Variants in LRBA observed in about 807,000 individuals in gnomAD.
LRBA encodes LPS responsive beige-like anchor protein, also known as lipopolysaccharide-responsive and beige-like anchor protein.
LRBA carries 176 observed loss-of-function variants against 330.0 expected under a neutral mutation model. The ratio of observed to expected loss-of-function variants is 0.53; its 90% confidence interval spans 0.47 to 0.60. The LOEUF is 0.60. Ranked by LOEUF, LRBA falls within the 20% of genes least tolerant of loss-of-function variation. The pLI is 0.00. For missense variants in LRBA, 3,259 were observed against 3,444.8 expected, an observed-to-expected ratio of 0.95 and a Z score of 1.35; for synonymous variants, 1,230 against 1,193.0, an observed-to-expected ratio of 1.03 and a Z score of -0.64.
At chr4:150,807,296 C>G (rs753249847) in intron 32 of LRBA, among the ~76,000 whole-genome samples, 1 of 152,066 alleles carries the variant, frequency 6.6e-6, no homozygotes, top group African/African-American at 2.4e-5. Context: ...TAAATTTTTG[C>G]TGTGAATAAC....
rs34282784 is a variant in LRBA at position 150,954,817 on chromosome 4, CAA to C, written c.217-25754_217-25753del. Among the ~76,000 whole-genome samples the C allele has an allele frequency of 5.9e-3, 269 of 45,518 alleles. 2 individuals are homozygous for C. The highest frequency in any genetic ancestry group is 0.019 in the Middle Eastern group (1 of 54). 29.9% of individuals were successfully genotyped at this position (45,518 alleles called of 152,430 possible). On this transcript the variant is annotated intron_variant, in intron 2 of 56. Transcript: ENST00000651943. ...AAAAAAAGAACCTAGACTCAGAAAT[CAA>C]AAAAAAAAAAAAAAAAAAAGAATAA...
intron 55 of LRBA, among the ~76,000 whole-genome samples, chr4:150,282,156 G>A (rs1231201433): frequency 1.3e-5 from 2 of 152,168 alleles, no homozygotes; most frequent in Admixed American, 6.5e-5. Context: ...AAAAAGAAAT[G>A]AGCAGTGCCA....
intron 56 of LRBA, among the ~76,000 whole-genome samples, chr4:150,269,943 C>T (rs376483741): frequency 7.9e-5 from 12 of 151,922 alleles, no homozygotes; most frequent in African/African-American, 2.9e-4. Flanking sequence ...GACCCTGTCT[C>T]AAAAAACAAA....
At chr4:150,775,469 ACACAC>A (rs1737157112) in intron 34 of LRBA, among the ~76,000 whole-genome samples, 1 of 128,910 alleles carries the variant, frequency 7.8e-6, no homozygotes, top group South Asian at 2.3e-4. Context: ...ACACACACAC[ACACAC>A]ACACACACAC....
chr4:150,432,453 CTTTTTTTTTTTTTTT>C (rs35393002), intron 46 of LRBA, among the ~76,000 whole-genome samples: 1 of 98,438 alleles, frequency 1.0e-5, no homozygotes. Flanking sequence ...TAAGTGTGTT[CTTTTTTTTTTTTTTT>C]TTTTTTTTTG....
intron 17 of LRBA, among the ~76,000 whole-genome samples, chr4:150,891,981 A>C (rs2127093236): frequency 6.6e-6 from 1 of 152,278 alleles, no homozygotes; most frequent in East Asian, 1.9e-4. Flanking sequence ...AGTCCCAGCT[A>C]CTCAGGAGAC....
intron 47 of LRBA, among the ~76,000 whole-genome samples, chr4:150,387,027 CT>C (rs1037021742): frequency 7.9e-5 from 12 of 152,018 alleles, no homozygotes; most frequent in Non-Finnish European, 1.6e-4. Flanking sequence ...TGATGTTGAG[CT>C]TTTTTTCACA....
chr4:150,880,613 A>C (rs374707646), intron 17 of LRBA, among the ~76,000 whole-genome samples: 6 of 152,208 alleles, frequency 3.9e-5, no homozygotes, highest in African/African-American at 1.4e-4. Flanking sequence ...AAAACGAGAA[A>C]ACACCATTCT....
At chr4:150,805,179 AAAAG>A (rs927140887) in intron 33 of LRBA, among the ~76,000 whole-genome samples, 5 of 148,142 alleles carry the variant, frequency 3.4e-5, no homozygotes, top group South Asian at 2.1e-4. Context: ...AAAGAAAAAA[AAAAG>A]GAAGGAAGGA....
At chr4:150,553,032 G>A (rs1766814128) in intron 40 of LRBA, among the ~76,000 whole-genome samples, 1 of 150,854 alleles carries the variant, frequency 6.6e-6, no homozygotes, top group African/African-American at 2.4e-5. Context: ...TCATGCCACT[G>A]CACTCCAGCC....
chr4:150,545,558 A>T (rs755247556), intron 40 of LRBA, among the ~76,000 whole-genome samples: 2 of 152,152 alleles, frequency 1.3e-5, no homozygotes, highest in Non-Finnish European at 2.9e-5. Flanking sequence ...AATAATTCGC[A>T]ACTTAACTCT....
chr4:150,850,213 C>T (rs1352145880), intron 24 of LRBA, among the ~76,000 whole-genome samples: 2 of 151,830 alleles, frequency 1.3e-5, no homozygotes, highest in African/African-American at 2.4e-5. Flanking sequence ...CCTACCTCAG[C>T]CTCCTGAGTA....
At chr4:150,643,176 T>A (rs1343601684) in intron 37 of LRBA, among the ~76,000 whole-genome samples, 1 of 151,924 alleles carries the variant, frequency 6.6e-6, no homozygotes, top group Non-Finnish European at 1.5e-5. Flanking sequence ...AATTGATCTG[T>A]CATGAATAAC....
intron 46 of LRBA, among the ~76,000 whole-genome samples, chr4:150,419,574 A>G (rs1308482620): frequency 6.7e-6 from 1 of 150,332 alleles, no homozygotes; most frequent in Non-Finnish European, 1.5e-5. Context: ...GTTGGTGGTT[A>G]TAATTTTATA....
chr4:150,491,134 T>C (rs1056648766), intron 40 of LRBA, 99 bp from the exon 41 acceptor site: 3 of 502,362 alleles, frequency 6.0e-6, no homozygotes, highest in Non-Finnish European at 1.1e-5. Context: ...TTAAGAAAAA[T>C]AATTTTTAAG....
chr4:150,302,072 G>A (rs1451271813), intron 53 of LRBA, among the ~76,000 whole-genome samples: 1 of 151,758 alleles, frequency 6.6e-6, no homozygotes, highest in African/African-American at 2.4e-5. Flanking sequence ...CACATTTTTT[G>A]TTTTACTGCC....
intron 47 of LRBA, among the ~76,000 whole-genome samples, chr4:150,368,525 A>C (rs1268995426): frequency 6.6e-6 from 1 of 152,222 alleles, no homozygotes; most frequent in Non-Finnish European, 1.5e-5. Context: ...GTATATACAA[A>C]AACATTTAAA....
At chr4:150,796,988 T>A (rs1714796061) in intron 34 of LRBA, among the ~76,000 whole-genome samples, 1 of 151,990 alleles carries the variant, frequency 6.6e-6, no homozygotes, top group Middle Eastern at 3.4e-3. Context: ...TAGAACATGA[T>A]TCTCAGTAAA....
intron 34 of LRBA, among the ~76,000 whole-genome samples, chr4:150,792,541 C>T (rs1740106298): frequency 6.6e-6 from 1 of 152,070 alleles, no homozygotes; most frequent in Non-Finnish European, 1.5e-5. Context: ...CAGGGTCTTC[C>T]TCTGTCACCC....
Sources: allele counts gnomAD v4.1 joint callset (sites outside exome capture counted in the v4.1 genomes callset), GRCh38; gene constraint gnomAD v4.1.1; transcripts MANE v1.5; gene names NCBI Gene and HGNC (gene_info 2026-07-23, HGNC 2026-07-21).